Variants in ZNF354C observed in about 807,000 individuals in gnomAD.
ZNF354C encodes KRAB-zinc finger protein synten.
A neutral mutation model predicts 12.4 loss-of-function variants in ZNF354C; 7 were observed. The observed-to-expected ratio is 0.56, with a 90% confidence interval of 0.32 to 1.06. The LOEUF (loss-of-function observed/expected upper bound fraction) is 1.06, where lower values mean the gene tolerates loss of function less well. Among genes scored for constraint, ZNF354C ranks in the 50% least tolerant of loss-of-function variants. ZNF354C has a pLI of 0.04. For synonymous variants in ZNF354C, 202 were observed against 224.5 expected (o/e 0.90, Z 0.90); for missense variants, 609 against 658.0 (o/e 0.93, Z 0.81).
At chr5:179,069,859 CT>C (rs1316465463) in intron 2 of ZNF354C, among the ~76,000 whole-genome samples, 14 of 152,186 alleles carry the variant, frequency 9.2e-5, no homozygotes, top group Non-Finnish European at 1.8e-4. Context: ...GAGCAAGACT[CT>C]GTCTCAAAAA....
chr5:179,068,166 T>TAAAAAAAAAAAAA (rs1561748334), intron 2 of ZNF354C, among the ~76,000 whole-genome samples: 7 of 85,220 alleles, frequency 8.2e-5, no homozygotes, highest in African/African-American at 1.9e-4. Flanking sequence ...CCCTGTCTGT[T>TAAAAAAAAAAAAA]TAAAAAAAAA....
In ZNF354C at chr5:179,079,227, TCATA is replaced by T; in HGVS notation, c.797_800del (p.His266LeufsTer25). On this transcript the variant is annotated frameshift_variant, in exon 5 of 5. Coordinates refer to ENST00000315475, the MANE Select transcript of ZNF354C (RefSeq NM_014594.3). LOFTEE classifies it low-confidence loss of function (END_TRUNC). This position sits in a 1 kb window ranked among gnomAD's most constrained non-coding sequence, Gnocchi z 4.2. ...CATCCCTTCTTTCTCATCAGAGAAT[TCATA>T]CTGGAGAGAAACCTTACAAGTGTAA... is the stretch of plus-strand genomic sequence containing the variant. The T allele has an allele frequency of 2.5e-6, 4 of 1,614,032 alleles. No individual in the cohort carries two copies. Among genetic ancestry groups the T allele is most frequent in the Non-Finnish European group, 3.4e-6 (4 of 1,180,000 alleles).
At chr5:179,076,241 T>C (rs1239519819) in intron 2 of ZNF354C, among the ~76,000 whole-genome samples, 1 of 152,250 alleles carries the variant, frequency 6.6e-6, no homozygotes, top group Non-Finnish European at 1.5e-5. Flanking sequence ...CCACTGCACG[T>C]GGCATGTGTC....
chr5:179,078,675 C>A lies in ZNF354C; in HGVS notation c.251-8C>A. ...AGAGGAGGCATTAATTCTTCTGATT[C>A]ATTTTAGGTTTCAAGACTTGGCTTG... On this transcript the variant is annotated splice_polypyrimidine_tract_variant and splice_region_variant and intron_variant, in intron 4 of 4. Transcript: ENST00000315475. The A allele has an allele frequency of 6.4e-7, 1 of 1,573,298 alleles. No individual in the cohort carries two copies. The highest frequency in any genetic ancestry group is 1.2e-5 in the South Asian group (1 of 83,896).
In ZNF354C at chr5:179,082,965, A is replaced by G. The variant is rs1762249365; in HGVS notation, c.*2868A>G. The G allele has an allele frequency of 2.4e-6, 2 of 820,968 alleles. No homozygotes were observed. Among genetic ancestry groups the G allele is most frequent in the East Asian group, 2.4e-5 (1 of 41,400 alleles). 50.9% of individuals were successfully genotyped at this position (820,968 alleles called of 1,614,324 possible). A position where few individuals can be genotyped will look rare whatever the true frequency, so the allele number is the denominator to read the frequency against. ...CTCAAGGCCATCCTCAACTTCTTTC[A>G]TATGGAAAAAGAGCTTCTTGCTATC... On this transcript the variant is annotated 3_prime_UTR_variant, in exon 5 of 5. Coordinates refer to ENST00000315475, the MANE Select transcript of ZNF354C (RefSeq NM_014594.3).
At position 179,083,011 on chromosome 5, in the gene ZNF354C, A is replaced by G. The variant is rs936965298; in HGVS notation, c.*2914A>G. The stretch of plus-strand genomic sequence containing the variant: ...CTATCCCCTACTTCATAGTTAATGA[A>G]GCCAAACTGATCTTGCACACATTCC... On this transcript the variant is annotated 3_prime_UTR_variant, in exon 5 of 5. Coordinates refer to ENST00000315475, the MANE Select transcript of ZNF354C (RefSeq NM_014594.3). 1 of 766,424 alleles carries G rather than the reference A, an allele frequency of 1.3e-6. No homozygotes were observed. The highest frequency in any genetic ancestry group is 1.7e-5 in the African/African-American group (1 of 57,426). 47.5% of individuals were successfully genotyped at this position (766,424 alleles called of 1,614,324 possible).
chr5:179,079,267 A>G lies in ZNF354C; in HGVS notation c.835A>G (p.Lys279Glu). The change falls in exon 5 of 5, where the codon AAG (lysine) becomes GAG (glutamate). Residue 279 changes from lysine (K) to glutamate (E), a missense_variant. Coordinates refer to ENST00000315475, the MANE Select transcript of ZNF354C (RefSeq NM_014594.3). The surrounding 1 kb of genome is among the most constrained non-coding windows in gnomAD (Gnocchi z 4.2). ...EKPYKCNECE[K>E]AFSNSSTLIK... ...ACCTTACAAGTGTAATGAATGTGAG[A>G]AGGCATTTAGCAACAGTTCAACCCT... is the stretch of plus-strand genomic sequence containing the variant. 6.2e-7 allele frequency: 1 copy of G among 1,614,190 alleles called. No homozygotes were observed. Among genetic ancestry groups the G allele is most frequent in the South Asian group, 1.1e-5 (1 of 91,082 alleles).
At chr5:179,068,346 G>A (rs1448207749) in intron 2 of ZNF354C, among the ~76,000 whole-genome samples, 1 of 152,110 alleles carries the variant, frequency 6.6e-6, no homozygotes, top group Non-Finnish European at 1.5e-5. Flanking sequence ...GTGTTCTTTT[G>A]CATCCTTTCT....
Position 179,079,288 on chromosome 5 carries a change from A to G in ZNF354C, c.856A>G (p.Thr286Ala), listed in dbSNP as rs140340351. ...TGAGAAGGCATTTAGCAACAGTTCA[A>G]CCCTTATCAAACATCTGAGAGTGCA... ...ECEKAFSNSS[T>A]LIKHLRVHTG... The change falls in exon 5 of 5, where the codon ACC becomes GCC. Residue 286 changes from threonine to alanine, a missense_variant. Physicochemically the swap from Thr to Ala is moderately conservative, Grantham distance 58. Coordinates refer to ENST00000315475, the MANE Select transcript of ZNF354C (RefSeq NM_014594.3). This position sits in a 1 kb window ranked among gnomAD's most constrained non-coding sequence, Gnocchi z 4.2. The G allele has an allele frequency of 1.5e-5, 24 of 1,614,154 alleles. No individual in the cohort carries two copies. The highest frequency in any genetic ancestry group is 1.8e-5 in the Non-Finnish European group (21 of 1,180,024).
rs182617302 is a variant in ZNF354C, at chr5:179,071,150, C to T, written c.28-5295C>T. ...ACAGGCGTGAGCCACTGTGCCTGAC[C>T]CTGATCTCTTTTTTTAAATGCCGGC... is the stretch of plus-strand genomic sequence containing the variant. On this transcript the variant is annotated intron_variant, in intron 2 of 4. Transcript: ENST00000315475. Among the ~76,000 whole-genome samples, 93 of 152,084 alleles carry T rather than the reference C, an allele frequency of 6.1e-4. 2 individuals are homozygous for T. The highest frequency in any genetic ancestry group is 6.8e-3 in the Middle Eastern group (2 of 292).
At chr5:179,076,307 G>A in intron 2 of ZNF354C, 138 bp from the exon 3 acceptor site, 2 of 1,295,202 alleles carry the variant, frequency 1.5e-6, no homozygotes, top group Non-Finnish European at 2.2e-6. Flanking sequence ...CTAATGGGTG[G>A]TTCCAAAAAT....
In ZNF354C at chr5:179,080,423, T is replaced by G. The variant is rs1329167005; in HGVS notation, c.*326T>G. Reference sequence around the variant, plus strand: ...CCATATTCCCTTTAAAAGAGTAAGCTTCAATATGTGAATTTTCTTTTAAAA... The same window carrying G: ...CCATATTCCCTTTAAAAGAGTAAGCGTCAATATGTGAATTTTCTTTTAAAA... On this transcript the variant is annotated 3_prime_UTR_variant, in exon 5 of 5. Coordinates refer to ENST00000315475, the MANE Select transcript of ZNF354C (RefSeq NM_014594.3). 1 of 160,652 alleles carries G rather than the reference T, an allele frequency of 6.2e-6. No individual in the cohort carries two copies. Among genetic ancestry groups the G allele is most frequent in the Non-Finnish European group, 1.3e-5 (1 of 74,086 alleles). 10.0% of individuals were successfully genotyped at this position (160,652 alleles called of 1,614,324 possible). A position where few individuals can be genotyped will look rare whatever the true frequency, so the allele number is the denominator to read the frequency against.
In ZNF354C at chr5:179,082,992, C is replaced by T. The variant is rs768048566; in HGVS notation, c.*2895C>T. ...ATGGAAAAAGAGCTTCTTGCTATCC[C>T]CTACTTCATAGTTAATGAAGCCAAA... On this transcript the variant is annotated 3_prime_UTR_variant, in exon 5 of 5. Transcript: ENST00000315475. 6.1e-4 allele frequency: 473 copies of T among 775,442 alleles called. No individual in the cohort carries two copies. The highest frequency in any genetic ancestry group is 1.2e-3 in the Middle Eastern group (5 of 4,192). 48.0% of individuals were successfully genotyped at this position (775,442 alleles called of 1,614,324 possible). A position where few individuals can be genotyped will look rare whatever the true frequency, so the allele number is the denominator to read the frequency against.
chr5:179,070,789 C>CTTATG (rs1216703814), intron 2 of ZNF354C, among the ~76,000 whole-genome samples: 1 of 150,084 alleles, frequency 6.7e-6, no homozygotes, highest in African/African-American at 2.5e-5. Context: ...GTTGTCTTTC[C>CTTATG]TTATGCAGCA....
chr5:179,079,418 A>C lies in ZNF354C; in HGVS notation c.986A>C (p.Lys329Thr). Residue 329 changes from lysine to threonine, a missense_variant, in exon 5 of 5, where the codon AAA (lysine) becomes ACA (threonine). Lys to Thr is a moderately conservative substitution (Grantham distance 78, BLOSUM62 -1). Coordinates refer to ENST00000315475, the MANE Select transcript of ZNF354C (RefSeq NM_014594.3). This position sits in a 1 kb window ranked among gnomAD's most constrained non-coding sequence, Gnocchi z 4.2. ...ATTCATACTGGAGAGAAACTCTATAAATGCGGCGAATGTGAGAAGGCCTTC... is the reference window on the plus strand; with the variant it reads ...ATTCATACTGGAGAGAAACTCTATACATGCGGCGAATGTGAGAAGGCCTTC... ...QRIHTGEKLY[K>T]CGECEKAFNC... 1.9e-6 allele frequency: 3 copies of C among 1,614,036 alleles called. No individual in the cohort carries two copies. The highest frequency in any genetic ancestry group is 2.5e-6 in the Non-Finnish European group (3 of 1,179,998).
intron 2 of ZNF354C, 98 bp downstream of exon 2, chr5:179,062,193 A>C (rs935783964): frequency 1.3e-6 from 2 of 1,508,984 alleles, no homozygotes; most frequent in Middle Eastern, 1.7e-4. Context: ...TTTTGGTCCA[A>C]CCAAAACGAT....
chr5:179,066,057 G>T (rs1332170101), intron 2 of ZNF354C, among the ~76,000 whole-genome samples: 1 of 152,102 alleles, frequency 6.6e-6, no homozygotes, highest in African/African-American at 2.4e-5. Flanking sequence ...TACATTATTT[G>T]GAAATCTGTA....
At chr5:179,077,313 A>C in intron 4 of ZNF354C, 147 bp downstream of exon 4, 1 of 641,652 alleles carries the variant, frequency 1.6e-6, no homozygotes, top group Non-Finnish European at 2.8e-6. Context: ...TATAGGTTAA[A>C]GTACACACAA....
At chr5:179,075,266 G>GA (rs1256219417) in intron 2 of ZNF354C, among the ~76,000 whole-genome samples, 94 of 123,420 alleles carry the variant, frequency 7.6e-4, no homozygotes, top group Middle Eastern at 4.1e-3. Context: ...CTCAGAAAAA[G>GA]AAAAAAAAAA....
Sources: allele counts gnomAD v4.1 joint callset (sites outside exome capture counted in the v4.1 genomes callset), GRCh38; gene constraint gnomAD v4.1.1; non-coding constraint Gnocchi (gnomAD v3.1); transcripts MANE v1.5; gene names NCBI Gene and HGNC (gene_info 2026-07-23, HGNC 2026-07-21).